KLK8: variants seen among roughly 807,000 people sequenced by gnomAD.
KLK8 encodes the protein kallikrein-8.
In KLK8, 18 loss-of-function variants were observed where a neutral mutation model predicts 26.7. The ratio of observed to expected loss-of-function variants is 0.67; its 90% CI spans 0.47 to 1.00. KLK8 has a LOEUF of 1.00. Among genes scored for constraint, KLK8 ranks in the 50% least tolerant of loss-of-function variants. KLK8 has a pLI of 0.00. For missense variants in KLK8, 301 were observed against 331.7 expected, an observed-to-expected ratio of 0.91 and a Z score of 0.72; for synonymous variants, 137 against 127.1, an observed-to-expected ratio of 1.08 and a Z score of -0.52.
At chr19:51,000,054 G>A (rs758003874) in exon 5 of KLK8, 1 of 1,613,662 alleles carries the variant, frequency 6.2e-7, no homozygotes, top group African/African-American at 1.3e-5. Context: ...CAGGCTGGGT[G>A]CAATGATCTG....
intron 4 of KLK8, 42 bp from the exon 4 acceptor site, chr19:51,000,300 G>A (rs781301548): frequency 3.2e-6 from 5 of 1,546,440 alleles, no homozygotes; most frequent in Non-Finnish European, 4.4e-6. Flanking sequence ...CAGGGGTATT[G>A]CCCCCAGCCC....
At chr19:51,001,015 C>T (rs2091219618) in intron 3 of KLK8, 83 bp downstream of exon 2, 2 of 1,292,894 alleles carry the variant, frequency 1.5e-6, no homozygotes. Flanking sequence ...CCCACATAAC[C>T]CCCGCGGCAT....
At chr19:50,997,819 C>A in exon 6 of KLK8, 1 of 1,614,180 alleles carries the variant, frequency 6.2e-7, no homozygotes. Context: ...CCCGGGTAAG[C>A]ATCCTCACAC....
chr19:51,000,544 T>C lies in KLK8; in HGVS notation c.110A>G (p.His37Arg), dbSNP rs371671874. The change falls in exon 4 of 7, where the codon CAT becomes CGT. Residue 37 changes from histidine to arginine, a missense_variant. By Grantham distance (29) the His-to-Arg change is conservative (BLOSUM62 0). Coordinates refer to ENST00000600767, the Ensembl canonical transcript of KLK8. ...AGGCTGCGAATGGGGTTGGCACTCATGACCCCCCAGCACCTTGTCCTCCTG... is the reference window on the plus strand; with the variant it reads ...AGGCTGCGAATGGGGTTGGCACTCACGACCCCCCAGCACCTTGTCCTCCTG... 6 of 1,613,982 alleles carry C rather than the reference T, an allele frequency of 3.7e-6. No individual in the cohort carries two copies. In the African/African-American group the frequency reaches 6.7e-5, roughly 18 times the overall value.
In KLK8 at chr19:50,996,122, G is replaced by A. The variant is rs768622418; in HGVS notation, c.720C>T (p.Gly240=). The A allele has an allele frequency of 8.7e-6, 14 of 1,614,044 alleles. No homozygotes were observed. In the Admixed American group the frequency reaches 1.5e-4, roughly 17 times the overall value. Reference sequence around the variant, plus strand: ...GGTAGCGGCAGATGTTGGTATAGACGCCAGGTTTGTCGGACCTCCCACAGG... The same window carrying A: ...GGTAGCGGCAGATGTTGGTATAGACACCAGGTTTGTCGGACCTCCCACAGG... The change falls in exon 7 of 7, where the codon GGC becomes GGT. Residue 240 remains glycine (G), a synonymous_variant. Coordinates refer to ENST00000600767, the Ensembl canonical transcript of KLK8.
At chr19:50,999,635 G>C (rs10407943) in intron 5 of KLK8, among the ~76,000 whole-genome samples, 4,278 of 137,104 alleles carry the variant, frequency 0.031, 173 homozygotes, top group African/African-American at 0.078. Context: ...GGAGGGAGGT[G>C]GGGGAGAAGG....
chr19:50,998,968 G>T (rs1239602199), intron 5 of KLK8: 1 of 152,252 alleles, frequency 6.6e-6, no homozygotes, highest in African/African-American at 2.4e-5. Context: ...TTGCGAGCAC[G>T]TGTGTTTCCA....
rs1303797226 is a variant in KLK8, at chr19:50,996,053, C to G, written c.*6G>C. On this transcript the variant is annotated 3_prime_UTR_variant, in exon 7 of 7. Coordinates refer to ENST00000600767, the Ensembl canonical transcript of KLK8. Reference sequence around the variant, plus strand: ...TATTAAGGGAGATCTAGTGCTTATCCTAGAATCAGCCCTTGCTGCCTATGA... The same window carrying G: ...TATTAAGGGAGATCTAGTGCTTATCGTAGAATCAGCCCTTGCTGCCTATGA... The G allele has an allele frequency of 2.5e-6, 4 of 1,613,936 alleles. No individual in the cohort carries two copies. In the African/African-American group the frequency reaches 4.0e-5, roughly 16 times the overall value.
chr19:51,000,425 G>GT lies in KLK8; in HGVS notation c.228dup (p.Pro77ThrfsTer15), dbSNP rs766996637. ...CCTCTGCCCCCATCATCCACTCACG[G>GT]TTTTTTACAGTGGGCAGCTGTAAGG... is the stretch of plus-strand genomic sequence containing the variant. On this transcript the variant is annotated frameshift_variant and splice_region_variant, in exon 4 of 7. Transcript: ENST00000600767. LOFTEE classifies it high-confidence loss of function. The GT allele has an allele frequency of 2.5e-6, 4 of 1,605,254 alleles. No homozygotes were observed. The highest frequency in any genetic ancestry group is 3.4e-6 in the Non-Finnish European group (4 of 1,174,370).
chr19:51,000,510 C>T (rs768070338), exon 4 of KLK8: 6 of 1,613,946 alleles, frequency 3.7e-6, no homozygotes, highest in Admixed American at 1.7e-5. Context: ...GGAACAAGGC[C>T]GCCTGCCAAG....
At chr19:50,999,802 G>A (rs1361388614) in intron 5 of KLK8, among the ~76,000 whole-genome samples, 194 bp downstream of exon 4, 2 of 151,884 alleles carry the variant, frequency 1.3e-5, no homozygotes, top group African/African-American at 2.4e-5. Flanking sequence ...CTGCTAGTTG[G>A]TTCTTTCTCT....
intron 5 of KLK8, chr19:50,999,268 C>T (rs2091197227): frequency 6.6e-6 from 1 of 152,012 alleles, no homozygotes; most frequent in Non-Finnish European, 1.5e-5. Flanking sequence ...GACCAGGGCC[C>T]AGGTTTCCTG....
At chr19:50,999,798 G>A (rs2091204210) in intron 5 of KLK8, among the ~76,000 whole-genome samples, 198 bp downstream of exon 4, 1 of 151,956 alleles carries the variant, frequency 6.6e-6, no homozygotes, top group Non-Finnish European at 1.5e-5. Flanking sequence ...CAATCTGCTA[G>A]TTGGTTCTTT....
In KLK8 at chr19:50,999,440, G is replaced by A. The variant is rs533581048; in HGVS notation, c.493+556C>T. Among the ~76,000 whole-genome samples, 40 of 151,504 alleles carry A rather than the reference G, an allele frequency of 2.6e-4. No homozygotes were observed. The South Asian group carries it at 6.9e-3, about 26-fold the overall frequency. On this transcript the variant is annotated intron_variant, in intron 5 of 6. Transcript: ENST00000600767. ...ACAACAAATACAAAAATTAGCTCGC[G>A]TGGTGGCGGGTGCCTGTAATCCCAG...
At chr19:50,999,555 G>A (rs1000068735) in intron 5 of KLK8, among the ~76,000 whole-genome samples, 1 of 121,308 alleles carries the variant, frequency 8.2e-6, no homozygotes, top group African/African-American at 3.3e-5. Flanking sequence ...CTCCAGCCTG[G>A]GCGATTGAGT....
exon 7 of KLK8, chr19:50,996,159 C>G (rs1490183983): frequency 6.2e-7 from 1 of 1,614,236 alleles, no homozygotes; most frequent in East Asian, 2.2e-5. Flanking sequence ...GTCTGAGCCC[C>G]AGGATGTGAT....
At chr19:51,000,840 G>T in intron 3 of KLK8, 1 of 1,048,422 alleles carries the variant, frequency 9.5e-7, no homozygotes, top group Non-Finnish European at 1.3e-6. Flanking sequence ...GTGAATCTAT[G>T]CCCCCAAGCA....
exon 4 of KLK8, chr19:51,000,543 A>G (rs757543847): frequency 6.2e-7 from 1 of 1,614,086 alleles, no homozygotes; most frequent in Non-Finnish European, 8.5e-7. Context: ...GTTGGCACTC[A>G]TGACCCCCCA....
At chr19:51,001,326 C>T (rs1291322529) in intron 2 of KLK8, among the ~76,000 whole-genome samples, 151 bp from the exon 2 acceptor site, 1 of 151,504 alleles carries the variant, frequency 6.6e-6, no homozygotes, top group African/African-American at 2.4e-5. Flanking sequence ...TGGATTCCTA[C>T]ATTCCAAGGG....
Sources: gnomAD v4.1 joint callset for allele counts (sites outside exome capture counted in the v4.1 genomes callset) on GRCh38, gnomAD v4.1.1 for gene constraint, MANE v1.5 for transcripts, NCBI Gene and HGNC (gene_info 2026-07-23, HGNC 2026-07-21) for gene names.